The following TECTA variants were observed in gnomAD, a reference collection of about 807,000 sequenced individuals.
TECTA encodes the protein alpha-tectorin.
In TECTA, 128 loss-of-function variants were observed where a neutral mutation model predicts 216.8. The ratio of observed to expected loss-of-function variants is 0.59; its 90% confidence interval spans 0.51 to 0.68. TECTA has a LOEUF of 0.68. Ranked by LOEUF, TECTA falls within the 30% of genes least tolerant of loss-of-function variation. The pLI is 0.00. For synonymous variants in TECTA, 1,089 were observed against 1,117.1 expected (o/e 0.97, Z 0.50); for missense variants, 2,551 against 2,786.2 (o/e 0.92, Z 1.90).
chr11:121,118,972 T>G (rs887582328), intron 7 of TECTA, among the ~76,000 whole-genome samples: 3 of 149,156 alleles, frequency 2.0e-5, no homozygotes, highest in African/African-American at 7.6e-5. Context: ...ATATTCCTAG[T>G]TCCCTCATAA....
chr11:121,189,299 A>AC, intron 22 of TECTA, 132 bp downstream of exon 22: 2 of 815,626 alleles, frequency 2.5e-6, no homozygotes, highest in Non-Finnish European at 4.2e-6. Context: ...TGAGAACATC[A>AC]CCTGCTTCCT....
At chr11:121,124,611 T>A (rs1193439159) in intron 7 of TECTA, among the ~76,000 whole-genome samples, 1 of 152,246 alleles carries the variant, frequency 6.6e-6, no homozygotes, top group East Asian at 1.9e-4. Flanking sequence ...TCGATGCATG[T>A]CCCTCTTCTT....
chr11:121,129,616 T>C lies in TECTA; in HGVS notation c.2368-22T>C, dbSNP rs569316037. The C allele has an allele frequency of 4.3e-6, 7 of 1,612,928 alleles. No individual in the cohort carries two copies. The East Asian group carries it at 1.1e-4, about 26-fold the overall frequency. On this transcript the variant is annotated intron_variant, in intron 9 of 23. Coordinates refer to ENST00000392793, the MANE Select transcript of TECTA (RefSeq NM_005422.4). ...GTGCTCTGTGTGTCTCTGGAATTGA[T>C]AAGAATGACTTGATTTTTCAGTTGA...
intron 20 of TECTA, among the ~76,000 whole-genome samples, chr11:121,187,493 TA>T (rs1947298955): frequency 6.6e-6 from 1 of 152,274 alleles, no homozygotes; most frequent in Non-Finnish European, 1.5e-5. Context: ...ATCTTGTGTT[TA>T]TTAAATTGGT....
intron 20 of TECTA, among the ~76,000 whole-genome samples, chr11:121,185,320 TAATG>T (rs1430971824): frequency 2.7e-5 from 4 of 150,908 alleles, no homozygotes; most frequent in Non-Finnish European, 4.4e-5. Context: ...GTTCAATGCT[TAATG>T]AGTGAGTAGG....
At position 121,177,570 on chromosome 11, in the gene TECTA, T is replaced by A. The variant is rs533045919; in HGVS notation, c.5999+8645T>A. ...CAGAGGAGTACCCGGCCGTGTGAGG[T>A]GTCAGTCTGCCCCTACTGGAGGGTG... On this transcript the variant is annotated intron_variant, in intron 20 of 23. Coordinates refer to ENST00000392793, the MANE Select transcript of TECTA (RefSeq NM_005422.4). 2.2e-4 allele frequency among the ~76,000 whole-genome samples: 33 copies of A among 152,268 alleles called. No individual in the cohort carries two copies. The South Asian group carries it at 6.9e-3, about 32-fold the overall frequency.
intron 21 of TECTA, among the ~76,000 whole-genome samples, chr11:121,188,853 A>T (rs1191253501): frequency 6.6e-6 from 1 of 152,202 alleles, no homozygotes; most frequent in African/African-American, 2.4e-5. Context: ...GAGGTTTTTA[A>T]AAAGGAAAAT....
intron 3 of TECTA, among the ~76,000 whole-genome samples, chr11:121,107,763 A>G (rs1003112471): frequency 4.6e-5 from 7 of 152,214 alleles, no homozygotes; most frequent in Non-Finnish European, 1.5e-5. Flanking sequence ...AACTGAGGGT[A>G]TATCTTGGCT....
intron 7 of TECTA, among the ~76,000 whole-genome samples, chr11:121,121,143 A>C (rs955185041): frequency 2.6e-5 from 4 of 152,236 alleles, no homozygotes; most frequent in Non-Finnish European, 5.9e-5. Context: ...AAAAGGAGAA[A>C]ATGATAAGGA....
chr11:121,160,051 A>G (rs555628956), intron 14 of TECTA, 84 bp from the exon 15 acceptor site: 8 of 1,578,296 alleles, frequency 5.1e-6, no homozygotes, highest in African/African-American at 4.0e-5. Context: ...GCGACACCCA[A>G]AATATTTTCC....
In TECTA at chr11:121,187,995, G is replaced by A. The variant is rs1045921265; in HGVS notation, c.6162+1G>A. 53 of 1,614,106 alleles carry A rather than the reference G, an allele frequency of 3.3e-5. No individual in the cohort carries two copies. Among genetic ancestry groups the A allele is most frequent in the African/African-American group, 6.7e-5 (5 of 75,042 alleles). ...CTCAGAAAAGTACTCCTGTAAAATC[G>A]TAAGTGAGAGTGTGAAAACAAAGTG... On this transcript the variant is annotated splice_donor_variant, in intron 21 of 23. Transcript: ENST00000392793. LOFTEE classifies it high-confidence loss of function.
intron 11 of TECTA, among the ~76,000 whole-genome samples, chr11:121,141,682 C>T (rs1365273373): frequency 6.6e-6 from 1 of 152,140 alleles, no homozygotes; most frequent in African/African-American, 2.4e-5. Context: ...CTCTAATAGC[C>T]TGTGTCTTTA....
At chr11:121,146,398 T>A (rs2135107333) in intron 12 of TECTA, 1 of 494,432 alleles carries the variant, frequency 2.0e-6, no homozygotes, top group South Asian at 2.2e-5. Flanking sequence ...ACATGGCACT[T>A]GGACGCACAA....
At chr11:121,115,862 G>A (rs480761) in intron 6 of TECTA, among the ~76,000 whole-genome samples, 32,893 of 151,936 alleles carry the variant, frequency 0.22, 3,617 homozygotes, top group East Asian at 0.23. Context: ...TCAGTATGTT[G>A]CCCAGGCTGG....
rs4936584 is a variant in TECTA, at chr11:121,145,436, G to A, written c.3544-119G>A. On this transcript the variant is annotated intron_variant, in intron 11 of 23. Coordinates refer to ENST00000392793, the MANE Select transcript of TECTA (RefSeq NM_005422.4). Reference sequence around the variant, plus strand: ...ATAAACAACAGTACATGCAAAGACTGCATTCAACCTGCTCAAACTTCCCTC... The same window carrying A: ...ATAAACAACAGTACATGCAAAGACTACATTCAACCTGCTCAAACTTCCCTC... The A allele has an allele frequency of 0.21, 204,228 of 970,212 alleles. 25,944 individuals carry two copies. The highest frequency in any genetic ancestry group is 0.49 in the African/African-American group (30,858 of 62,526). 60.1% of individuals were successfully genotyped at this position (970,212 alleles called of 1,614,324 possible).
chr11:121,145,146 C>T (rs76669538), intron 11 of TECTA, among the ~76,000 whole-genome samples: 1,909 of 152,220 alleles, frequency 0.013, 47 homozygotes, highest in African/African-American at 0.043. Flanking sequence ...AAAGAAATCT[C>T]GAAGGAATTA....
At position 121,154,597 on chromosome 11, in the gene TECTA, C is replaced by T. The variant is rs1304954168; in HGVS notation, c.4305+1517C>T. Among the ~76,000 whole-genome samples the T allele has an allele frequency of 7.2e-5, 11 of 152,328 alleles. 1 individual carries two copies. The highest frequency in any genetic ancestry group is 4.1e-4 in the South Asian group (2 of 4,832). On this transcript the variant is annotated intron_variant, in intron 13 of 23. Coordinates refer to ENST00000392793, the MANE Select transcript of TECTA (RefSeq NM_005422.4). ...ATTTCTCAACTGTGCCATGCACCCT[C>T]GGCAGGCATCCTGAGTGTCAGTGTG...
rs532126313 is a variant in TECTA at position 121,119,637 on chromosome 11, C to T, written c.1203+919C>T. ...CTGCAACCCAGTGCAATCCTTAATC[C>T]CCATGCATGGAGGTCATTACAGAGA... On this transcript the variant is annotated intron_variant, in intron 7 of 23. Coordinates refer to ENST00000392793, the MANE Select transcript of TECTA (RefSeq NM_005422.4). Among the ~76,000 whole-genome samples, 29 of 152,308 alleles carry T rather than the reference C, an allele frequency of 1.9e-4. No individual in the cohort carries two copies. The South Asian group carries it at 5.4e-3, about 28-fold the overall frequency.
chr11:121,188,559 G>C (rs971158034), intron 21 of TECTA, among the ~76,000 whole-genome samples: 8 of 152,204 alleles, frequency 5.3e-5, no homozygotes, highest in African/African-American at 1.9e-4. Flanking sequence ...GAGGGGGTGA[G>C]GGATGAGGTA....
Sources: allele counts gnomAD v4.1 joint callset (sites outside exome capture counted in the v4.1 genomes callset), GRCh38; gene constraint gnomAD v4.1.1; transcripts MANE v1.5; gene names NCBI Gene and HGNC (gene_info 2026-07-23, HGNC 2026-07-21).